FKBP5: variants seen among roughly 807,000 people sequenced by gnomAD.
FKBP5 encodes the protein peptidyl-prolyl cis-trans isomerase FKBP5.
In FKBP5, 23 loss-of-function variants were observed where a neutral mutation model predicts 50.5. That is an observed-to-expected ratio of 0.46 (90% confidence interval 0.33 to 0.65). FKBP5 has a LOEUF of 0.65. Ranked by LOEUF, FKBP5 falls within the 30% of genes least tolerant of loss-of-function variation. The probability of loss-of-function intolerance (pLI) is 0.02; values close to 1 mark genes in which losing one functional copy is unlikely to be tolerated. For synonymous variants in FKBP5, 176 were observed against 190.6 expected (o/e 0.92, Z 0.63); for missense variants, 411 against 553.1 (o/e 0.74, Z 2.58).
intron 6 of FKBP5, among the ~76,000 whole-genome samples, chr6:35,595,581 T>A (rs1055518535): frequency 1.4e-4 from 21 of 151,930 alleles, no homozygotes; most frequent in African/African-American, 4.8e-4. Context: ...CAAAACCCTG[T>A]CTCCACAAAA....
intron 8 of FKBP5, chr6:35,586,067 T>A: frequency 3.0e-6 from 3 of 985,240 alleles, no homozygotes; most frequent in Non-Finnish European, 3.6e-6. Context: ...TGTATTGCAG[T>A]GGCAGAAAAC....
chr6:35,634,301 G>A (rs1273628089), intron 3 of FKBP5, among the ~76,000 whole-genome samples: 1 of 152,084 alleles, frequency 6.6e-6, no homozygotes, highest in Non-Finnish European at 1.5e-5. Context: ...GGCAGCCCTG[G>A]AGGTTCATAT....
chr6:35,644,477 G>T (rs1764576241), intron 1 of FKBP5, among the ~76,000 whole-genome samples: 1 of 152,176 alleles, frequency 6.6e-6, no homozygotes, highest in Non-Finnish European at 1.5e-5. Context: ...CCACTATTCA[G>T]TTCAACAGAG....
chr6:35,584,011 T>TC, intron 8 of FKBP5: 1 of 985,360 alleles, frequency 1.0e-6, no homozygotes. Context: ...GGCGCAAGAA[T>TC]CCCACATCAC....
intron 2 of FKBP5, among the ~76,000 whole-genome samples, chr6:35,713,526 T>A (rs1766452185): frequency 6.6e-6 from 1 of 152,210 alleles, no homozygotes; most frequent in Non-Finnish European, 1.5e-5. Context: ...TTAAAAGACC[T>A]ACCCTTCTAG....
chr6:35,577,639 C>A (rs1457076330), intron 9 of FKBP5, among the ~76,000 whole-genome samples: 1 of 152,226 alleles, frequency 6.6e-6, no homozygotes, highest in Non-Finnish European at 1.5e-5. Flanking sequence ...CAGAACGAAT[C>A]ATTCAGAAAC....
rs142079706 is a variant in FKBP5, at chr6:35,638,037, T to C, written c.106-879A>G. Among the ~76,000 whole-genome samples the C allele has an allele frequency of 3.0e-3, 460 of 152,320 alleles. 2 individuals carry two copies. The highest frequency in any genetic ancestry group is 8.0e-3 in the African/African-American group (331 of 41,562). ...ATGAGTATCATTGCACTGCTTGATA[T>C]GATACTGAATAACTTGTTTTCTAGT... On this transcript the variant is annotated intron_variant, in intron 2 of 10. Coordinates refer to ENST00000357266, the MANE Select transcript of FKBP5 (RefSeq NM_004117.4).
chr6:35,680,535 T>C (rs1432108701), intron 1 of FKBP5, among the ~76,000 whole-genome samples: 1 of 152,246 alleles, frequency 6.6e-6, no homozygotes. Context: ...ATTGGAAAGT[T>C]GAATTTTTTT....
intron 3 of FKBP5, among the ~76,000 whole-genome samples, chr6:35,621,117 T>C (rs1561861854): frequency 6.6e-6 from 1 of 152,226 alleles, no homozygotes; most frequent in African/African-American, 2.4e-5. Context: ...ATGTGTCTTT[T>C]TGTCAAACCA....
intron 1 of FKBP5, among the ~76,000 whole-genome samples, chr6:35,669,746 T>G: frequency 6.6e-6 from 1 of 152,354 alleles, no homozygotes; most frequent in Admixed American, 6.5e-5. Flanking sequence ...ATATAAATTA[T>G]GTTCCATATG....
chr6:35,693,579 GCA>G (rs1359398021), upstream of FKBP5, among the ~76,000 whole-genome samples: 1 of 151,850 alleles, frequency 6.6e-6, no homozygotes, highest in Non-Finnish European at 1.5e-5. Flanking sequence ...GAGTGCAGTG[GCA>G]CAGTCTCAGC....
intron 3 of FKBP5, among the ~76,000 whole-genome samples, chr6:35,625,608 T>C (rs1463408838): frequency 3.4e-5 from 5 of 148,268 alleles, no homozygotes; most frequent in Non-Finnish European, 6.0e-5. Context: ...TGGTGGTGAG[T>C]GCCTGTAGTC....
chr6:35,709,928 G>C (rs566544518), intron 2 of FKBP5, among the ~76,000 whole-genome samples: 1 of 151,566 alleles, frequency 6.6e-6, no homozygotes, highest in Non-Finnish European at 1.5e-5. Context: ...ATGTTCTCAC[G>C]GGACAAACAG....
intron 1 of FKBP5, among the ~76,000 whole-genome samples, chr6:35,684,213 C>G (rs1333247206): frequency 6.7e-6 from 1 of 148,230 alleles, no homozygotes; most frequent in African/African-American, 2.5e-5. Context: ...GGGTCTCGCT[C>G]TGTTGTCCAG....
At chr6:35,599,534 T>C (rs79401865) in intron 5 of FKBP5, among the ~76,000 whole-genome samples, 6 of 152,344 alleles carry the variant, frequency 3.9e-5, no homozygotes, top group African/African-American at 9.6e-5. Context: ...TTAGTATATG[T>C]GCTGCCGAAG....
chr6:35,595,108 G>T (rs887805444), intron 6 of FKBP5, among the ~76,000 whole-genome samples: 10 of 152,212 alleles, frequency 6.6e-5, no homozygotes, highest in African/African-American at 2.4e-4. Context: ...TTACAGAGGG[G>T]AAACTGAAGC....
intron 2 of FKBP5, among the ~76,000 whole-genome samples, chr6:35,716,517 TC>T (rs1029843327): frequency 1.3e-5 from 2 of 151,842 alleles, no homozygotes; most frequent in Admixed American, 6.6e-5. Flanking sequence ...TATGTGATGT[TC>T]CCCAGTCTCT....
intron 2 of FKBP5, among the ~76,000 whole-genome samples, chr6:35,708,385 G>A (rs1353233361): frequency 6.6e-6 from 1 of 152,106 alleles, no homozygotes; most frequent in Admixed American, 6.6e-5. Flanking sequence ...CTCCTGAGTA[G>A]CTGGGATGGG....
chr6:35,677,016 G>C (rs1017980416), intron 1 of FKBP5, among the ~76,000 whole-genome samples: 6 of 152,222 alleles, frequency 3.9e-5, no homozygotes, highest in African/African-American at 1.4e-4. Context: ...AGAGAAGGCA[G>C]AGTAATGAAA....
Sources: gnomAD v4.1 joint callset for allele counts (sites outside exome capture counted in the v4.1 genomes callset) on GRCh38, gnomAD v4.1.1 for gene constraint, MANE v1.5 for transcripts, NCBI Gene and HGNC (gene_info 2026-07-23, HGNC 2026-07-21) for gene names.